MDGA2: variants seen among roughly 807,000 people sequenced by gnomAD.
The protein encoded by MDGA2 is MAM domain containing glycosylphosphatidylinositol anchor 2.
A neutral mutation model predicts 117.8 loss-of-function variants in MDGA2; 40 were observed. The observed-to-expected ratio is 0.34, with a 90% CI of 0.26 to 0.44. The LOEUF is 0.44. Among genes scored for constraint, MDGA2 ranks in the 20% least tolerant of loss-of-function variants. MDGA2 has a pLI of 1.00. For missense variants in MDGA2, 1,123 were observed against 1,250.6 expected (o/e 0.90, Z 1.54); for synonymous variants, 452 against 439.0 (o/e 1.03, Z -0.37).
At chr14:47,222,046 C>T (rs927288052) in intron 2 of MDGA2, among the ~76,000 whole-genome samples, 3 of 151,828 alleles carry the variant, frequency 2.0e-5, no homozygotes, top group African/African-American at 7.3e-5. Flanking sequence ...CAATAGACCA[C>T]TATACAGTAA....
intron 5 of MDGA2, among the ~76,000 whole-genome samples, chr14:47,108,197 G>A (rs1000292892): frequency 2.6e-5 from 4 of 152,160 alleles, no homozygotes; most frequent in East Asian, 1.9e-4. Context: ...GCCTGTCCTC[G>A]GAATGCTACA....
rs549987159 is a variant in MDGA2 at position 47,254,525 on chromosome 14, T to C, written c.421-36330A>G. 2.2e-4 allele frequency among the ~76,000 whole-genome samples: 34 copies of C among 152,330 alleles called. No individual in the cohort carries two copies. In the South Asian group the frequency reaches 6.6e-3, roughly 30 times the overall value. On this transcript the variant is annotated intron_variant, in intron 2 of 16. Transcript: ENST00000399232. Reference sequence around the variant, plus strand: ...TGAGATCACCTCGGACTGGACGTCATTGTCCTTATCACTATCAGCATTTTG... The same window carrying C: ...TGAGATCACCTCGGACTGGACGTCACTGTCCTTATCACTATCAGCATTTTG...
At chr14:47,527,037 A>C (rs1894986725) in intron 1 of MDGA2, among the ~76,000 whole-genome samples, 1 of 152,152 alleles carries the variant, frequency 6.6e-6, no homozygotes, top group African/African-American at 2.4e-5. Context: ...GTATTTACTA[A>C]GTCCCAAGCA....
At chr14:47,100,704 T>C (rs1278134401) in intron 5 of MDGA2, among the ~76,000 whole-genome samples, 1 of 151,798 alleles carries the variant, frequency 6.6e-6, no homozygotes, top group African/African-American at 2.4e-5. Context: ...CAAACCAAAA[T>C]GAAAAATGAA....
At chr14:47,664,215 T>G (rs567693885) in intron 1 of MDGA2, among the ~76,000 whole-genome samples, 1 of 152,206 alleles carries the variant, frequency 6.6e-6, no homozygotes, top group South Asian at 2.1e-4. Flanking sequence ...TTTATAATAC[T>G]TAAAGTGTTT....
intron 5 of MDGA2, among the ~76,000 whole-genome samples, chr14:47,101,114 TAGATAGATAGAC>T (rs137904322): frequency 0.068 from 9,454 of 139,304 alleles, 363 homozygotes; most frequent in East Asian, 0.11. Flanking sequence ...GATAGATAGA[TAGATAGATAGAC>T]AGATAGATAG....
chr14:47,572,042 T>C (rs1054686638), intron 1 of MDGA2, among the ~76,000 whole-genome samples: 7 of 152,252 alleles, frequency 4.6e-5, no homozygotes, highest in Admixed American at 4.6e-4. Flanking sequence ...GTCTCCACCA[T>C]TTATTCTTAT....
At chr14:47,429,191 C>T (rs529318423) in intron 1 of MDGA2, among the ~76,000 whole-genome samples, 3 of 151,820 alleles carry the variant, frequency 2.0e-5, no homozygotes, top group Non-Finnish European at 4.4e-5. Context: ...CGCCACTGCA[C>T]TCCAACCTGA....
At chr14:47,606,843 C>T (rs1167575170) in intron 1 of MDGA2, among the ~76,000 whole-genome samples, 1 of 152,092 alleles carries the variant, frequency 6.6e-6, no homozygotes, top group Non-Finnish European at 1.5e-5. Flanking sequence ...AATAATTCAC[C>T]GGTTTTCCCT....
chr14:47,289,059 T>C (rs1888785511), intron 2 of MDGA2, among the ~76,000 whole-genome samples: 3 of 152,126 alleles, frequency 2.0e-5, no homozygotes, highest in African/African-American at 7.2e-5. Flanking sequence ...TCTATATTTG[T>C]AAGTTATTAA....
chr14:47,090,075 TAGAA>T (rs1411292207), intron 6 of MDGA2, among the ~76,000 whole-genome samples: 8 of 152,142 alleles, frequency 5.3e-5, no homozygotes, highest in African/African-American at 1.9e-4. Flanking sequence ...AAAGATAATT[TAGAA>T]ATATTAGCAG....
intron 2 of MDGA2, among the ~76,000 whole-genome samples, chr14:47,286,609 T>C (rs72680299): frequency 0.091 from 13,829 of 151,878 alleles, 783 homozygotes; most frequent in Non-Finnish European, 0.11. Flanking sequence ...GTTTATACAC[T>C]ACATGTCCAT....
At chr14:47,524,365 C>T (rs914444110) in intron 1 of MDGA2, among the ~76,000 whole-genome samples, 6 of 152,054 alleles carry the variant, frequency 3.9e-5, no homozygotes, top group Middle Eastern at 3.2e-3. Flanking sequence ...GATCACTTCA[C>T]GCCAGAAAAC....
chr14:46,865,463 C>T (rs1881713852), intron 14 of MDGA2, among the ~76,000 whole-genome samples: 1 of 152,128 alleles, frequency 6.6e-6, no homozygotes. Context: ...TGGAAACATT[C>T]CCTTTGAAAA....
intron 3 of MDGA2, among the ~76,000 whole-genome samples, chr14:47,169,136 G>A (rs767677231): frequency 6.6e-5 from 10 of 151,826 alleles, no homozygotes; most frequent in South Asian, 2.1e-4. Context: ...AAGGTGACAG[G>A]AAACAAAAGC....
At chr14:47,333,832 GAA>G (rs1393267799) in intron 1 of MDGA2, among the ~76,000 whole-genome samples, 1 of 151,722 alleles carries the variant, frequency 6.6e-6, no homozygotes, top group Non-Finnish European at 1.5e-5. Flanking sequence ...TGACAGATGA[GAA>G]ACAAAAATAC....
intron 3 of MDGA2, among the ~76,000 whole-genome samples, chr14:47,217,382 G>A (rs1183453073): frequency 1.3e-5 from 2 of 151,914 alleles, no homozygotes; most frequent in African/African-American, 4.8e-5. Flanking sequence ...ATTAAGTAAG[G>A]AGACCAAAAA....
chr14:47,364,054 C>G (rs907663317), intron 1 of MDGA2, among the ~76,000 whole-genome samples: 1 of 151,992 alleles, frequency 6.6e-6, no homozygotes, highest in Non-Finnish European at 1.5e-5. Flanking sequence ...GGACCTACAC[C>G]AAATTACATG....
At chr14:46,935,105 T>A (rs568722252) in intron 9 of MDGA2, among the ~76,000 whole-genome samples, 1 of 152,066 alleles carries the variant, frequency 6.6e-6, no homozygotes, top group African/African-American at 2.4e-5. Context: ...CTGTAGAGTA[T>A]GTGAATTGGT....
Sources: gnomAD v4.1 joint callset for allele counts (sites outside exome capture counted in the v4.1 genomes callset) on GRCh38, gnomAD v4.1.1 for gene constraint, MANE v1.5 for transcripts, NCBI Gene and HGNC (gene_info 2026-07-23, HGNC 2026-07-21) for gene names.